The following FOXQ1 variants were observed in gnomAD, a reference collection of about 807,000 sequenced individuals.
The protein encoded by FOXQ1 is forkhead box protein Q1.
Under a neutral mutation model 0.6 loss-of-function variants are expected in FOXQ1, and 1 was observed. The ratio of observed to expected loss-of-function variants is 1.73; its 90% CI spans 0.61 to 8.20. The LOEUF (loss-of-function observed/expected upper bound fraction) is 8.20. FOXQ1 is among the 30% of genes most tolerant of loss of function. The pLI, the probability that FOXQ1 is intolerant of heterozygous loss-of-function variation, is 0.13. For synonymous variants in FOXQ1, 377 were observed against 294.4 expected (o/e 1.28, Z -2.87); for missense variants, 734 against 595.6 (o/e 1.23, Z -2.42).
At position 1,314,753 on chromosome 6, in the gene FOXQ1, TTG is replaced by T. The variant is rs1757616070; in HGVS notation, c.*840_*841del. The T allele has an allele frequency of 6.1e-6, 1 of 164,852 alleles. No individual in the cohort carries two copies. Among genetic ancestry groups the T allele is most frequent in the Admixed American group, 6.6e-5 (1 of 15,070 alleles). The allele number at this position is 164,852 out of a possible 1,614,324, so 10.2% of individuals were successfully genotyped here. ...TTAATAAAACAACTGACTTAACACA[TTG>T]TGATGATGGGTTGGAAGTGGAGAGA... On this transcript the variant is annotated 3_prime_UTR_variant, in exon 1 of 1. Coordinates refer to ENST00000296839, the MANE Select transcript of FOXQ1 (RefSeq NM_033260.4).
At position 1,313,002 on chromosome 6, in the gene FOXQ1, G is replaced by T; in HGVS notation, c.298G>T (p.Ala100Ser). 1 of 1,366,720 alleles carries T rather than the reference G, an allele frequency of 7.3e-7. No individual in the cohort carries two copies. The allele number at this position is 1,366,720 out of a possible 1,614,324, so 84.7% of individuals were successfully genotyped here. A position where few individuals can be genotyped will look rare whatever the true frequency, so the allele number is the denominator to read the frequency against. ...GAEAGAAGPG[A>S]GGAGSGEGAR... Reference sequence around the variant, plus strand: ...GGAGGCCGGGGCGGCGGGGCCAGGCGCGGGCGGCGCGGGGAGCGGCGAGGG... The same window carrying T: ...GGAGGCCGGGGCGGCGGGGCCAGGCTCGGGCGGCGCGGGGAGCGGCGAGGG... The change falls in exon 1 of 1, where the codon GCG becomes TCG. Residue 100 changes from alanine (A) to serine (S), a missense_variant. By Grantham distance (99) the Ala-to-Ser change is moderately conservative (BLOSUM62 1). Transcript: ENST00000296839. The surrounding 1 kb of genome is among the most constrained non-coding windows in gnomAD (Gnocchi z 5.2).
Position 1,313,592 on chromosome 6 carries a change from G to T in FOXQ1, c.888G>T (p.Gln296His). The T allele has an allele frequency of 2.6e-6, 3 of 1,159,258 alleles. No individual in the cohort carries two copies. The highest frequency in any genetic ancestry group is 4.2e-5 in the South Asian group (2 of 48,062). 71.8% of individuals were successfully genotyped at this position (1,159,258 alleles called of 1,614,324 possible). ...ACACGGCCCCCGGGACGACGCTTCA[G>T]TGGGGCGCCGCGCCCTGCCCGCCGC... ...LRDTAPGTTLQWGAAPCPPLP... is the reference protein window; with the variant it reads ...LRDTAPGTTLHWGAAPCPPLP... Residue 296 changes from glutamine to histidine, a missense_variant, in exon 1 of 1, where the codon CAG becomes CAT. Coordinates refer to ENST00000296839, the MANE Select transcript of FOXQ1 (RefSeq NM_033260.4). This position sits in a 1 kb window ranked among gnomAD's most constrained non-coding sequence, Gnocchi z 5.2.
In FOXQ1 at chr6:1,313,492, C is replaced by T. The variant is rs769448028; in HGVS notation, c.788C>T (p.Pro263Leu). 2 of 1,193,378 alleles carry T rather than the reference C, an allele frequency of 1.7e-6. No individual in the cohort carries two copies. Among genetic ancestry groups the T allele is most frequent in the Non-Finnish European group, 2.1e-6 (2 of 944,690 alleles). The allele number at this position is 1,193,378 out of a possible 1,614,324, so 73.9% of individuals were successfully genotyped here. ...GCCCGCCAGGAGGAGCGCGCCAGCC[C>T]CGCGGGCAAGTTCTCCAGCTCCTTC... is the stretch of plus-strand genomic sequence containing the variant. ...SPARQEERASPAGKFSSSFAI... is the reference protein window; with the variant it reads ...SPARQEERASLAGKFSSSFAI... Residue 263 changes from proline to leucine, a missense_variant, in exon 1 of 1, where the codon CCC becomes CTC. Physicochemically the swap from Pro to Leu is moderately conservative, Grantham distance 98. Transcript: ENST00000296839. The surrounding 1 kb of genome is among the most constrained non-coding windows in gnomAD (Gnocchi z 5.2).
At position 1,312,811 on chromosome 6, in the gene FOXQ1, G is replaced by A; in HGVS notation, c.107G>A (p.Gly36Glu). Reference sequence around the variant, plus strand: ...GCGCCGTCCCCGCTGTCGGCGGCGGGAGACGACTCCCTGGGCTCAGATGGG... The same window carrying A: ...GCGCCGTCCCCGCTGTCGGCGGCGGAAGACGACTCCCTGGGCTCAGATGGG... ...SDAPSPLSAA[G>E]DDSLGSDGDC... The change falls in exon 1 of 1, where the codon GGA becomes GAA. Residue 36 changes from glycine (G) to glutamate (E), a missense_variant. Gly to Glu is a moderately conservative substitution (Grantham distance 98). Transcript: ENST00000296839. The A allele has an allele frequency of 3.1e-6, 4 of 1,306,692 alleles. No individual in the cohort carries two copies. Among genetic ancestry groups the A allele is most frequent in the Non-Finnish European group, 3.9e-6 (4 of 1,028,814 alleles). 80.9% of individuals were successfully genotyped at this position (1,306,692 alleles called of 1,614,324 possible). A position where few individuals can be genotyped will look rare whatever the true frequency, so the allele number is the denominator to read the frequency against.
rs1259373105 is a variant in FOXQ1, at chr6:1,313,725, G to A, written c.1021G>A (p.Val341Met). 2.6e-6 allele frequency: 3 copies of A among 1,138,068 alleles called. No individual in the cohort carries two copies. The highest frequency in any genetic ancestry group is 2.2e-6 in the Non-Finnish European group (2 of 929,480). 70.5% of individuals were successfully genotyped at this position (1,138,068 alleles called of 1,614,324 possible). ...PARLGAREAEVPPTAPPLLLA... is the reference protein window; with the variant it reads ...PARLGAREAEMPPTAPPLLLA... ...GCGGCTGGGCGCGCGCGAGGCCGAG[G>A]TGCCACCGACCGCGCCGCCCCTCCT... Residue 341 changes from valine (V) to methionine (M), a missense_variant, in exon 1 of 1, where the codon GTG becomes ATG. Physicochemically the swap from Val to Met is conservative, Grantham distance 21. Transcript: ENST00000296839. This position sits in a 1 kb window ranked among gnomAD's most constrained non-coding sequence, Gnocchi z 5.2.
Position 1,313,606 on chromosome 6 carries a change from CCTGCCCGCCG to C in FOXQ1, c.911_920del (p.Pro304ArgfsTer96). 3.6e-6 allele frequency: 4 copies of C among 1,126,046 alleles called. No homozygotes were observed. Among genetic ancestry groups the C allele is most frequent in the South Asian group, 2.4e-5 (1 of 41,984 alleles). The allele number at this position is 1,126,046 out of a possible 1,614,324, so 69.8% of individuals were successfully genotyped here. ...ACGACGCTTCAGTGGGGCGCCGCGC[CCTGCCCGCCG>C]CTGCCCGCGTTCCCCGCGCTCCTCC... On this transcript the variant is annotated frameshift_variant, in exon 1 of 1. Transcript: ENST00000296839. LOFTEE classifies it low-confidence loss of function (END_TRUNC). The surrounding 1 kb of genome is among the most constrained non-coding windows in gnomAD (Gnocchi z 5.2).
At position 1,312,765 on chromosome 6, in the gene FOXQ1, G is replaced by C; in HGVS notation, c.61G>C (p.Glu21Gln). 1.5e-6 allele frequency: 2 copies of C among 1,325,054 alleles called. No homozygotes were observed. Among genetic ancestry groups the C allele is most frequent in the Non-Finnish European group, 1.9e-6 (2 of 1,039,742 alleles). 82.1% of individuals were successfully genotyped at this position (1,325,054 alleles called of 1,614,324 possible). The change falls in exon 1 of 1, where the codon GAG becomes CAG. Residue 21 changes from glutamate (E) to glutamine (Q), a missense_variant. Physicochemically the swap from Glu to Gln is conservative, Grantham distance 29. Transcript: ENST00000296839. ...CGGGGACAAGCAGGGCAGTGACCTG[G>C]AGGGCGCGGGCGGCAGCGACGCGCC... Reference protein sequence around the residue: ...AHGDKQGSDLEGAGGSDAPSP... With the variant: ...AHGDKQGSDLQGAGGSDAPSP...
rs1034051106 is a variant in FOXQ1, at chr6:1,314,416, T to G, written c.*500T>G. 1 of 166,850 alleles carries G rather than the reference T, an allele frequency of 6.0e-6. No individual in the cohort carries two copies. The highest frequency in any genetic ancestry group is 2.4e-5 in the African/African-American group (1 of 41,446). 10.3% of individuals were successfully genotyped at this position (166,850 alleles called of 1,614,324 possible). A position where few individuals can be genotyped will look rare whatever the true frequency, so the allele number is the denominator to read the frequency against. On this transcript the variant is annotated 3_prime_UTR_variant, in exon 1 of 1. Transcript: ENST00000296839. ...TGTCAGAGGCTCTTCAGTGATTTCT[T>G]GCTATTGACCGATGCTTCACTGTGC...
Position 1,313,583 on chromosome 6 carries a change from G to C in FOXQ1, c.879G>C (p.Thr293=), listed in dbSNP as rs1473422321. 1.7e-6 allele frequency: 2 copies of C among 1,194,280 alleles called. No individual in the cohort carries two copies. The highest frequency in any genetic ancestry group is 1.1e-4 in the East Asian group (2 of 18,126). 74.0% of individuals were successfully genotyped at this position (1,194,280 alleles called of 1,614,324 possible). Residue 293 remains threonine, a synonymous_variant, in exon 1 of 1, where the codon ACG becomes ACC. Coordinates refer to ENST00000296839, the MANE Select transcript of FOXQ1 (RefSeq NM_033260.4). The surrounding 1 kb of genome is among the most constrained non-coding windows in gnomAD (Gnocchi z 5.2). ...GCCTCAGGGACACGGCCCCCGGGAC[G>C]ACGCTTCAGTGGGGCGCCGCGCCCT... ...SRRLRDTAPG[T]TLQWGAAPCP...
In FOXQ1 at chr6:1,313,570, C is replaced by T. The variant is rs867130312; in HGVS notation, c.866C>T (p.Thr289Met). ...KPFRSRRLRD[T>M]APGTTLQWGA... ...TTCCGCAGCCGCCGCCTCAGGGACACGGCCCCCGGGACGACGCTTCAGTGG... is the reference window on the plus strand; with the variant it reads ...TTCCGCAGCCGCCGCCTCAGGGACATGGCCCCCGGGACGACGCTTCAGTGG... The change falls in exon 1 of 1, where the codon ACG becomes ATG. Residue 289 changes from threonine (T) to methionine (M), a missense_variant. By Grantham distance (81) the Thr-to-Met change is moderately conservative. Coordinates refer to ENST00000296839, the MANE Select transcript of FOXQ1 (RefSeq NM_033260.4). This position sits in a 1 kb window ranked among gnomAD's most constrained non-coding sequence, Gnocchi z 5.2. 6.5e-6 allele frequency: 8 copies of T among 1,232,318 alleles called. No individual in the cohort carries two copies. Among genetic ancestry groups the T allele is most frequent in the African/African-American group, 3.2e-5 (2 of 61,630 alleles). The allele number at this position is 1,232,318 out of a possible 1,614,324, so 76.3% of individuals were successfully genotyped here. A position where few individuals can be genotyped will look rare whatever the true frequency, so the allele number is the denominator to read the frequency against.
chr6:1,312,675 C>G lies in FOXQ1; in HGVS notation c.-30C>G, dbSNP rs768031986. ...CTAGGCTGCGCGAAGGAAGAGGGTA[C>G]GACGCCGGGGAGGGACTGGGTGCGC... On this transcript the variant is annotated 5_prime_UTR_variant, in exon 1 of 1. Transcript: ENST00000296839. 17 of 1,299,912 alleles carry G rather than the reference C, an allele frequency of 1.3e-5. No individual in the cohort carries two copies. Among genetic ancestry groups the G allele is most frequent in the Non-Finnish European group, 1.6e-5 (16 of 1,027,442 alleles). 80.5% of individuals were successfully genotyped at this position (1,299,912 alleles called of 1,614,324 possible). A position where few individuals can be genotyped will look rare whatever the true frequency, so the allele number is the denominator to read the frequency against.
In FOXQ1 at chr6:1,313,474, A is replaced by C. The variant is rs746936923; in HGVS notation, c.770A>C (p.Gln257Pro). The stretch of plus-strand genomic sequence containing the variant: ...CCCCGCATGCGCTCGCCCGCCCGCC[A>C]GGAGGAGCGCGCCAGCCCCGCGGGC... ...ASPRMRSPARQEERASPAGKF... is the reference protein window; with the variant it reads ...ASPRMRSPARPEERASPAGKF... The change falls in exon 1 of 1, where the codon CAG (glutamine) becomes CCG (proline). Residue 257 changes from glutamine to proline, a missense_variant. Coordinates refer to ENST00000296839, the MANE Select transcript of FOXQ1 (RefSeq NM_033260.4). The surrounding 1 kb of genome is among the most constrained non-coding windows in gnomAD (Gnocchi z 5.2). 8.1e-6 allele frequency: 9 copies of C among 1,112,770 alleles called. No homozygotes were observed. Among genetic ancestry groups the C allele is most frequent in the Middle Eastern group, 3.0e-4 (1 of 3,380 alleles). The allele number at this position is 1,112,770 out of a possible 1,614,324, so 68.9% of individuals were successfully genotyped here. A position where few individuals can be genotyped will look rare whatever the true frequency, so the allele number is the denominator to read the frequency against.
At position 1,313,388 on chromosome 6, in the gene FOXQ1, G is replaced by T; in HGVS notation, c.684G>T (p.Arg228=). The part of the protein sequence containing the change: ...HRAPVPAPGL[R]PEEAPGLPAA... ...CGCCGGTCCCCGCGCCCGGGCTGCG[G>T]CCCGAGGAGGCCCCGGGCCTCCCCG... Residue 228 remains arginine (R), a synonymous_variant, in exon 1 of 1, where the codon CGG becomes CGT. Coordinates refer to ENST00000296839, the MANE Select transcript of FOXQ1 (RefSeq NM_033260.4). The surrounding 1 kb of genome is among the most constrained non-coding windows in gnomAD (Gnocchi z 5.2). 1 of 1,299,774 alleles carries T rather than the reference G, an allele frequency of 7.7e-7. No individual in the cohort carries two copies. 80.5% of individuals were successfully genotyped at this position (1,299,774 alleles called of 1,614,324 possible). A position where few individuals can be genotyped will look rare whatever the true frequency, so the allele number is the denominator to read the frequency against.
At position 1,312,529 on chromosome 6, in the gene FOXQ1, G is replaced by T; in HGVS notation, c.-176G>T. 3 of 1,048,428 alleles carry T rather than the reference G, an allele frequency of 2.9e-6. No homozygotes were observed. The highest frequency in any genetic ancestry group is 3.7e-6 in the Non-Finnish European group (3 of 818,154). The allele number at this position is 1,048,428 out of a possible 1,614,324, so 64.9% of individuals were successfully genotyped here. A position where few individuals can be genotyped will look rare whatever the true frequency, so the allele number is the denominator to read the frequency against. ...CACTTGCAGCCCCTCCAGAGAAAAA[G>T]CCCAGCGGAAGAGGACTCCGGAAAA... On this transcript the variant is annotated 5_prime_UTR_variant, in exon 1 of 1. Coordinates refer to ENST00000296839, the MANE Select transcript of FOXQ1 (RefSeq NM_033260.4).
rs1296590778 is a variant in FOXQ1 at position 1,313,608 on chromosome 6, T to C, written c.904T>C (p.Cys302Arg). Residue 302 changes from cysteine (C) to arginine (R), a missense_variant, in exon 1 of 1, where the codon TGC becomes CGC. Physicochemically the swap from Cys to Arg is radical, Grantham distance 180. Coordinates refer to ENST00000296839, the MANE Select transcript of FOXQ1 (RefSeq NM_033260.4). The surrounding 1 kb of genome is among the most constrained non-coding windows in gnomAD (Gnocchi z 5.2). ...GTTLQWGAAPCPPLPAFPALL... is the reference protein window; with the variant it reads ...GTTLQWGAAPRPPLPAFPALL... Reference sequence around the variant, plus strand: ...GACGCTTCAGTGGGGCGCCGCGCCCTGCCCGCCGCTGCCCGCGTTCCCCGC... The same window carrying C: ...GACGCTTCAGTGGGGCGCCGCGCCCCGCCCGCCGCTGCCCGCGTTCCCCGC... 3 of 1,109,766 alleles carry C rather than the reference T, an allele frequency of 2.7e-6. No homozygotes were observed. Among genetic ancestry groups the C allele is most frequent in the South Asian group, 2.5e-5 (1 of 39,588 alleles). The allele number at this position is 1,109,766 out of a possible 1,614,324, so 68.7% of individuals were successfully genotyped here. A position where few individuals can be genotyped will look rare whatever the true frequency, so the allele number is the denominator to read the frequency against.
chr6:1,313,580 G>T lies in FOXQ1; in HGVS notation c.876G>T (p.Gly292=). 1 of 1,203,314 alleles carries T rather than the reference G, an allele frequency of 8.3e-7. No homozygotes were observed. The highest frequency in any genetic ancestry group is 1.0e-6 in the Non-Finnish European group (1 of 955,052). 74.5% of individuals were successfully genotyped at this position (1,203,314 alleles called of 1,614,324 possible). A position where few individuals can be genotyped will look rare whatever the true frequency, so the allele number is the denominator to read the frequency against. The part of the protein sequence containing the change: ...RSRRLRDTAP[G]TTLQWGAAPC... ...GCCGCCTCAGGGACACGGCCCCCGG[G>T]ACGACGCTTCAGTGGGGCGCCGCGC... is the stretch of plus-strand genomic sequence containing the variant. Residue 292 remains glycine (G), a synonymous_variant, in exon 1 of 1, where the codon GGG becomes GGT. Transcript: ENST00000296839. This position sits in a 1 kb window ranked among gnomAD's most constrained non-coding sequence, Gnocchi z 5.2.
chr6:1,313,166 C>G lies in FOXQ1; in HGVS notation c.462C>G (p.Pro154=), dbSNP rs1757578051. The G allele has an allele frequency of 6.2e-7, 1 of 1,610,734 alleles. No homozygotes were observed. The highest frequency in any genetic ancestry group is 1.3e-5 in the African/African-American group (1 of 74,776). Residue 154 remains proline (P), a synonymous_variant, in exon 1 of 1, where the codon CCC becomes CCG. Transcript: ENST00000296839. This position sits in a 1 kb window ranked among gnomAD's most constrained non-coding sequence, Gnocchi z 5.2. The stretch of plus-strand genomic sequence containing the variant: ...ACGAGTACCTCATGGGCAAGTTCCC[C>G]TTTTTCCGCGGCAGCTACACGGGCT... ...EINEYLMGKF[P]FFRGSYTGWR...
rs1335013506 is a variant in FOXQ1 at position 1,312,868 on chromosome 6, G to A, written c.164G>A (p.Gly55Asp). Residue 55 changes from glycine to aspartate, a missense_variant, in exon 1 of 1, where the codon GGC becomes GAC. Transcript: ENST00000296839. ...GCGGCCAACAGCCCGGCCGCGGGCG[G>A]CGGCGCCAGAGATACGCAGGGCGAC... ...DCAANSPAAG[G>D]GARDTQGDGE... 1 of 1,276,878 alleles carries A rather than the reference G, an allele frequency of 7.8e-7. No homozygotes were observed. The highest frequency in any genetic ancestry group is 9.9e-7 in the Non-Finnish European group (1 of 1,014,656). 79.1% of individuals were successfully genotyped at this position (1,276,878 alleles called of 1,614,324 possible).
chr6:1,312,546 T>A lies in FOXQ1; in HGVS notation c.-159T>A. ...GAGAAAAAGCCCAGCGGAAGAGGAC[T>A]CCGGAAAAGTGACTATCTCGGAAGA... is the stretch of plus-strand genomic sequence containing the variant. On this transcript the variant is annotated 5_prime_UTR_variant, in exon 1 of 1. Transcript: ENST00000296839. 1 of 1,151,196 alleles carries A rather than the reference T, an allele frequency of 8.7e-7. No homozygotes were observed. The highest frequency in any genetic ancestry group is 1.1e-6 in the Non-Finnish European group (1 of 911,108). The allele number at this position is 1,151,196 out of a possible 1,614,324, so 71.3% of individuals were successfully genotyped here. A position where few individuals can be genotyped will look rare whatever the true frequency, so the allele number is the denominator to read the frequency against.
Sources: allele counts gnomAD v4.1 joint callset, GRCh38; gene constraint gnomAD v4.1.1; non-coding constraint Gnocchi (gnomAD v3.1); transcripts MANE v1.5; gene names NCBI Gene and HGNC (gene_info 2026-07-23, HGNC 2026-07-21).